ADAM23: variants seen among roughly 807,000 people sequenced by gnomAD.
The protein encoded by ADAM23 is ADAM metallopeptidase domain 23.
Under a neutral mutation model 120.1 loss-of-function variants are expected in ADAM23, and 33 were observed. That is an observed-to-expected ratio of 0.27 (90% CI 0.21 to 0.37). The LOEUF (loss-of-function observed/expected upper bound fraction) is 0.37. Ranked by LOEUF, ADAM23 falls within the 10% of genes least tolerant of loss-of-function variation. The pLI, the probability that ADAM23 is intolerant of heterozygous loss-of-function variation, is 1.00. For synonymous variants in ADAM23, 367 were observed against 375.2 expected (o/e 0.98, Z 0.25); for missense variants, 862 against 1,058.2 (o/e 0.81, Z 2.57).
intron 17 of ADAM23, among the ~76,000 whole-genome samples, chr2:206,572,304 T>C (rs1352296683): frequency 6.6e-6 from 1 of 152,186 alleles, no homozygotes; most frequent in Admixed American, 6.5e-5. Flanking sequence ...CACACTCATA[T>C]GTGTATATAC....
chr2:206,555,592 A>G (rs71429725), intron 9 of ADAM23, among the ~76,000 whole-genome samples: 11,034 of 152,258 alleles, frequency 0.072, 442 homozygotes, highest in Middle Eastern at 0.11. Context: ...TACAAATATG[A>G]AATAAATTTA....
At chr2:206,559,045 C>T (rs569636142) in intron 10 of ADAM23, among the ~76,000 whole-genome samples, 260 of 152,146 alleles carry the variant, frequency 1.7e-3, no homozygotes, top group African/African-American at 5.9e-3. Flanking sequence ...CCCAGGTTCA[C>T]GCCATTCTCC....
chr2:206,614,050 C>T (rs545140580), intron 25 of ADAM23, among the ~76,000 whole-genome samples: 6 of 152,326 alleles, frequency 3.9e-5, no homozygotes, highest in African/African-American at 9.6e-5. Context: ...AACCTCATCA[C>T]CACGTCTTAC....
chr2:206,604,557 T>G (rs551495217), intron 24 of ADAM23, among the ~76,000 whole-genome samples: 54 of 152,278 alleles, frequency 3.5e-4, no homozygotes, highest in African/African-American at 1.2e-3. Flanking sequence ...GTCCCCATCT[T>G]TTTGTTTGTT....
intron 3 of ADAM23, among the ~76,000 whole-genome samples, chr2:206,525,965 C>G (rs534415589): frequency 6.6e-6 from 1 of 152,230 alleles, no homozygotes; most frequent in South Asian, 2.1e-4. Context: ...TAATAGCTTT[C>G]CTAGATACTA....
intron 3 of ADAM23, among the ~76,000 whole-genome samples, chr2:206,526,650 C>T (rs1696953726): frequency 6.6e-6 from 1 of 152,134 alleles, no homozygotes; most frequent in Non-Finnish European, 1.5e-5. Context: ...TAGCCATGAT[C>T]CATTGTCTTG....
chr2:206,620,293 T>TA lies in ADAM23; in HGVS notation c.*2667dup, dbSNP rs913087523. ...GGCAAATGTCAGTGTAACTTTTTGT[T>TA]ACACTGGCAATTTCATAGGTAATCG... is the stretch of plus-strand genomic sequence containing the variant. On this transcript the variant is annotated 3_prime_UTR_variant, in exon 26 of 26. Coordinates refer to ENST00000264377, the MANE Select transcript of ADAM23 (RefSeq NM_003812.4). 3 of 152,210 alleles carry TA rather than the reference T, an allele frequency of 2.0e-5. No individual in the cohort carries two copies. Among genetic ancestry groups the TA allele is most frequent in the Non-Finnish European group, 4.4e-5 (3 of 68,048 alleles). The allele number at this position is 152,210 out of a possible 1,614,324, so 9.4% of individuals were successfully genotyped here. A position where few individuals can be genotyped will look rare whatever the true frequency, so the allele number is the denominator to read the frequency against.
intron 20 of ADAM23, among the ~76,000 whole-genome samples, chr2:206,588,724 T>C (rs536954349): frequency 6.6e-6 from 1 of 152,242 alleles, no homozygotes; most frequent in South Asian, 2.1e-4. Flanking sequence ...TATCAGTTCA[T>C]GAGGGCCAGA....
chr2:206,489,398 C>T (rs1031569658), intron 3 of ADAM23, among the ~76,000 whole-genome samples: 3 of 152,172 alleles, frequency 2.0e-5, no homozygotes, highest in Admixed American at 6.5e-5. Flanking sequence ...CTTCCAATTT[C>T]ACCTCTGCTT....
chr2:206,574,139 C>T (rs1698065550), intron 18 of ADAM23, among the ~76,000 whole-genome samples: 1 of 152,150 alleles, frequency 6.6e-6, no homozygotes, highest in African/African-American at 2.4e-5. Flanking sequence ...ACCATATGTC[C>T]AGAGGCACTT....
chr2:206,612,679 A>G lies in ADAM23; in HGVS notation c.2450+2679A>G, dbSNP rs935870976. Reference sequence around the variant, plus strand: ...TACTATACGTGACCTGCCCAAGTATAAATGAGAAATACAGCTATGCTCTAA... The same window carrying G: ...TACTATACGTGACCTGCCCAAGTATGAATGAGAAATACAGCTATGCTCTAA... On this transcript the variant is annotated intron_variant, in intron 25 of 25. Transcript: ENST00000264377. Among the ~76,000 whole-genome samples, 6 of 152,340 alleles carry G rather than the reference A, an allele frequency of 3.9e-5. No homozygotes were observed. In the South Asian group the frequency reaches 1.2e-3, roughly 32 times the overall value.
intron 2 of ADAM23, 48 bp from the exon 3 acceptor site, chr2:206,481,184 A>G (rs1188389103): frequency 6.9e-7 from 1 of 1,441,582 alleles, no homozygotes; most frequent in African/African-American, 1.4e-5. Flanking sequence ...AATCTGTCTT[A>G]AAGACAGGAA....
chr2:206,455,556 A>G (rs374358479), intron 2 of ADAM23, among the ~76,000 whole-genome samples: 151 of 152,316 alleles, frequency 9.9e-4, no homozygotes, highest in African/African-American at 3.4e-3. Flanking sequence ...TCAGGCTGCA[A>G]ATTTTCCAAA....
chr2:206,497,113 A>G (rs1329271654), intron 3 of ADAM23, among the ~76,000 whole-genome samples: 2 of 152,214 alleles, frequency 1.3e-5, no homozygotes, highest in East Asian at 3.9e-4. Context: ...AACTATTCCA[A>G]TCAATAGAAA....
chr2:206,443,855 G>T lies in ADAM23; in HGVS notation c.-12G>T. ...GCCGGCCACACGGAGCGGCGCCCGG[G>T]AGCTATGAGCCATGAAGCCGCCCGG... On this transcript the variant is annotated 5_prime_UTR_variant, in exon 1 of 26. Coordinates refer to ENST00000264377, the MANE Select transcript of ADAM23 (RefSeq NM_003812.4). The T allele has an allele frequency of 8.9e-7, 1 of 1,120,506 alleles. No homozygotes were observed. The highest frequency in any genetic ancestry group is 3.9e-5 in the South Asian group (1 of 25,720). The allele number at this position is 1,120,506 out of a possible 1,614,324, so 69.4% of individuals were successfully genotyped here. A position where few individuals can be genotyped will look rare whatever the true frequency, so the allele number is the denominator to read the frequency against.
At chr2:206,477,895 A>ATATATATATATATATATAT (rs1553548627) in intron 2 of ADAM23, among the ~76,000 whole-genome samples, 92 of 102,010 alleles carry the variant, frequency 9.0e-4, no homozygotes, top group African/African-American at 2.2e-3. Flanking sequence ...AAAAAAAAAA[A>ATATATATATATATATATAT]AAATATATAT....
intron 2 of ADAM23, among the ~76,000 whole-genome samples, chr2:206,480,744 C>G (rs1695879408): frequency 6.6e-6 from 1 of 152,086 alleles, no homozygotes; most frequent in African/African-American, 2.4e-5. Context: ...TCTGAAGTTA[C>G]AAGGTTGTAC....
intron 2 of ADAM23, among the ~76,000 whole-genome samples, chr2:206,453,725 A>C (rs1304088818): frequency 1.3e-5 from 2 of 152,226 alleles, no homozygotes; most frequent in Non-Finnish European, 2.9e-5. Flanking sequence ...TTTGAATAAA[A>C]CTTTTGCTTT....
rs550983535 is a variant in ADAM23, at chr2:206,515,276, A to G, written c.510-15609A>G. ...GAAACAACTGAGATTGATATTTTCC[A>G]GCCACGGCAGTTTTGGTGATTGAAA... On this transcript the variant is annotated intron_variant, in intron 3 of 25. Coordinates refer to ENST00000264377, the MANE Select transcript of ADAM23 (RefSeq NM_003812.4). Among the ~76,000 whole-genome samples, 7 of 152,324 alleles carry G rather than the reference A, an allele frequency of 4.6e-5. No individual in the cohort carries two copies. In the South Asian group the frequency reaches 1.2e-3, roughly 27 times the overall value.
Sources: allele counts gnomAD v4.1 joint callset (sites outside exome capture counted in the v4.1 genomes callset), GRCh38; gene constraint gnomAD v4.1.1; transcripts MANE v1.5; gene names NCBI Gene and HGNC (gene_info 2026-07-23, HGNC 2026-07-21).